SLC6A11: variants seen among roughly 807,000 people sequenced by gnomAD.
SLC6A11 encodes solute carrier family 6 member 11.
Under a neutral mutation model 74.8 loss-of-function variants are expected in SLC6A11, and 25 were observed. That is an observed-to-expected ratio of 0.33 (90% CI 0.24 to 0.47). The LOEUF (loss-of-function observed/expected upper bound fraction) is 0.47, where lower values mean the gene tolerates loss of function less well. Ranked by LOEUF, SLC6A11 falls within the 20% of genes least tolerant of loss-of-function variation. The pLI is 1.00. For missense variants in SLC6A11, 574 were observed against 837.0 expected (o/e 0.69, Z 3.88); for synonymous variants, 330 against 330.2 (o/e 1.00, Z 0.01).
intron 5 of SLC6A11, among the ~76,000 whole-genome samples, chr3:10,868,314 G>A (rs1283311262): frequency 6.6e-6 from 1 of 152,088 alleles, no homozygotes. Context: ...CTTAGGGTGG[G>A]GTGGCCCTTC....
intron 6 of SLC6A11, among the ~76,000 whole-genome samples, chr3:10,883,998 G>A (rs1421179308): frequency 6.6e-6 from 1 of 152,184 alleles, no homozygotes; most frequent in Non-Finnish European, 1.5e-5. Flanking sequence ...TCAAGGAAAT[G>A]ACAGTCTCTT....
rs374893074 is a variant in SLC6A11 at position 10,819,800 on chromosome 3, C to G, written c.480C>G (p.Asn160Lys). The change falls in exon 3 of 14, where the codon AAC becomes AAG. Residue 160 changes from asparagine (N) to lysine (K), a missense_variant. Around this residue, in one of 4 missense-constraint regions of SLC6A11, gnomAD observed 215 missense variants for 357.9 expected, o/e 0.60. Transcript: ENST00000254488. ...ILAWAIFYLSNCFTTELPWAT... is the reference protein window; with the variant it reads ...ILAWAIFYLSKCFTTELPWAT... ...CATGGGCCATTTTTTACCTGAGCAACTGCTTCACTACTGAGCTACCCTGGG... is the reference window on the plus strand; with the variant it reads ...CATGGGCCATTTTTTACCTGAGCAAGTGCTTCACTACTGAGCTACCCTGGG... 16 of 1,614,252 alleles carry G rather than the reference C, an allele frequency of 9.9e-6. No homozygotes were observed. The African/African-American group carries it at 1.7e-4, about 17-fold the overall frequency.
In SLC6A11 at chr3:10,926,076, T is replaced by A; in HGVS notation, c.1193T>A (p.Leu398Ter). ...CCTCTCTCCCCGCTGTGGGCCACCT[T>A]GTTCTTCATGATGCTCATCTTCCTG... is the stretch of plus-strand genomic sequence containing the variant. ...MMPLSPLWAT[L>*]FFMMLIFLGL... The change falls in exon 9 of 14, where the codon TTG becomes TAG. Residue 398 changes from leucine (L) to a stop codon, truncating the protein, a stop_gained. Transcript: ENST00000254488. LOFTEE classifies it high-confidence loss of function. This position sits in a 1 kb window ranked among gnomAD's most constrained non-coding sequence, Gnocchi z 5.7. 6.2e-7 allele frequency: 1 copy of A among 1,613,524 alleles called. No homozygotes were observed. Among genetic ancestry groups the A allele is most frequent in the South Asian group, 1.1e-5 (1 of 91,070 alleles).
At position 10,918,522 on chromosome 3, in the gene SLC6A11, T is replaced by C. The variant is rs1695490227; in HGVS notation, c.1120+69T>C. 6 of 1,531,916 alleles carry C rather than the reference T, an allele frequency of 3.9e-6. No individual in the cohort carries two copies. Among genetic ancestry groups the C allele is most frequent in the Non-Finnish European group, 4.4e-6 (5 of 1,138,504 alleles). 94.9% of individuals were successfully genotyped at this position (1,531,916 alleles called of 1,614,324 possible). On this transcript the variant is annotated intron_variant, in intron 8 of 13. Transcript: ENST00000254488. This position sits in a 1 kb window ranked among gnomAD's most constrained non-coding sequence, Gnocchi z 4.5. ...CCAGGAGTGATGGTCATCATGGAAA[T>C]GCGATCTTCCTCCTCGGCTCACACA...
chr3:10,902,690 A>T lies in SLC6A11; in HGVS notation c.892-9400A>T, dbSNP rs547131564. Reference sequence around the variant, plus strand: ...CCCCAAAGTTTTTGCCCTTTTCATTAAGCTCCTGCAAGGCTCAAAGCATGG... The same window carrying T: ...CCCCAAAGTTTTTGCCCTTTTCATTTAGCTCCTGCAAGGCTCAAAGCATGG... On this transcript the variant is annotated intron_variant, in intron 6 of 13. Coordinates refer to ENST00000254488, the MANE Select transcript of SLC6A11 (RefSeq NM_014229.3). Among the ~76,000 whole-genome samples, 304 of 152,312 alleles carry T rather than the reference A, an allele frequency of 2.0e-3. 2 individuals carry two copies. Among genetic ancestry groups the T allele is most frequent in the African/African-American group, 7.0e-3 (289 of 41,560 alleles).
At chr3:10,837,495 C>T (rs1052720586) in intron 4 of SLC6A11, among the ~76,000 whole-genome samples, 2 of 152,174 alleles carry the variant, frequency 1.3e-5, no homozygotes, top group African/African-American at 4.8e-5. Flanking sequence ...CAAGATCTGT[C>T]CCCACTTTCT....
chr3:10,935,145 C>T lies in SLC6A11; in HGVS notation c.1692C>T (p.Cys564=), dbSNP rs138805066. ...TCATGGCCCTGTCCTCCATGCTCTG[C>T]ATCCCGCTCTGGATCTGCATCACAG... ...GWLMALSSML[C]IPLWICITVW... is the part of the protein sequence containing the mutation. Residue 564 remains cysteine, a synonymous_variant, in exon 13 of 14, where the codon TGC becomes TGT. Coordinates refer to ENST00000254488, the MANE Select transcript of SLC6A11 (RefSeq NM_014229.3). The T allele has an allele frequency of 3.0e-3, 4,920 of 1,614,098 alleles. 10 individuals are homozygous for T. The highest frequency in any genetic ancestry group is 3.7e-3 in the Non-Finnish European group (4,397 of 1,180,028).
At chr3:10,928,640 A>ACC (rs751085158) in intron 9 of SLC6A11, among the ~76,000 whole-genome samples, 20 of 152,106 alleles carry the variant, frequency 1.3e-4, no homozygotes, top group Non-Finnish European at 2.5e-4. Context: ...CAGCAGAGAC[A>ACC]AAGAGCTGGA....
chr3:10,930,074 A>G (rs1395006007), intron 10 of SLC6A11, among the ~76,000 whole-genome samples: 2 of 152,272 alleles, frequency 1.3e-5, no homozygotes, highest in Non-Finnish European at 2.9e-5. Context: ...AAACATGGAA[A>G]GAAATGAGGG....
At chr3:10,819,984 A>ACCCCAGTTTCAGC in intron 3 of SLC6A11, 132 bp downstream of exon 3, 3 of 932,400 alleles carry the variant, frequency 3.2e-6, no homozygotes, top group Non-Finnish European at 3.3e-6. Context: ...AGTCTTGCTG[A>ACCCCAGTTTCAGC]AACTGGGGTC....
At chr3:10,867,528 A>G (rs1694780050) in intron 5 of SLC6A11, among the ~76,000 whole-genome samples, 1 of 152,248 alleles carries the variant, frequency 6.6e-6, no homozygotes, top group Non-Finnish European at 1.5e-5. Context: ...TATCAGGTTC[A>G]CAGAAGGTTC....
intron 7 of SLC6A11, among the ~76,000 whole-genome samples, chr3:10,917,078 T>TG (rs1695466299): frequency 1.3e-5 from 2 of 152,110 alleles, no homozygotes; most frequent in Admixed American, 6.5e-5. Context: ...CTGGATAAGC[T>TG]GGAGTGTATT....
At position 10,935,146 on chromosome 3, in the gene SLC6A11, A is replaced by C. The variant is rs771372048; in HGVS notation, c.1693A>C (p.Ile565Leu). 1.9e-6 allele frequency: 3 copies of C among 1,614,218 alleles called. No homozygotes were observed. Among genetic ancestry groups the C allele is most frequent in the Non-Finnish European group, 1.7e-6 (2 of 1,180,040 alleles). Reference sequence around the variant, plus strand: ...CATGGCCCTGTCCTCCATGCTCTGCATCCCGCTCTGGATCTGCATCACAGT... The same window carrying C: ...CATGGCCCTGTCCTCCATGCTCTGCCTCCCGCTCTGGATCTGCATCACAGT... ...WLMALSSMLC[I>L]PLWICITVWK... The change falls in exon 13 of 14, where the codon ATC becomes CTC. Residue 565 changes from isoleucine to leucine, a missense_variant. By Grantham distance (5) the Ile-to-Leu change is conservative. Coordinates refer to ENST00000254488, the MANE Select transcript of SLC6A11 (RefSeq NM_014229.3).
In SLC6A11 at chr3:10,911,046, C is replaced by A. The variant is rs552237339; in HGVS notation, c.892-1044C>A. 4.6e-5 allele frequency among the ~76,000 whole-genome samples: 7 copies of A among 152,138 alleles called. No homozygotes were observed. In the South Asian group the frequency reaches 6.2e-4, roughly 14 times the overall value. ...CATGTTGGCCAGGCTGCTCTCACCC[C>A]CTCCTGACCTCAGGTGATCCACCCA... is the stretch of plus-strand genomic sequence containing the variant. On this transcript the variant is annotated intron_variant, in intron 6 of 13. Coordinates refer to ENST00000254488, the MANE Select transcript of SLC6A11 (RefSeq NM_014229.3).
At chr3:10,932,011 G>A (rs533114484) in intron 10 of SLC6A11, among the ~76,000 whole-genome samples, 1 of 151,804 alleles carries the variant, frequency 6.6e-6, no homozygotes. Flanking sequence ...CTGGTATTCA[G>A]GCTACCCCAC....
intron 8 of SLC6A11, among the ~76,000 whole-genome samples, chr3:10,922,828 A>T (rs754539358): frequency 2.0e-5 from 3 of 152,190 alleles, no homozygotes; most frequent in Non-Finnish European, 4.4e-5. Context: ...TAACCTATGT[A>T]ACTTTGAGAA....
intron 5 of SLC6A11, among the ~76,000 whole-genome samples, chr3:10,873,336 A>T (rs2581200): frequency 1 from 149,012 of 149,012 alleles, 74,506 homozygotes; most frequent in Non-Finnish European, 1. Flanking sequence ...GCCCCCAAAG[A>T]TTTCTGCCCT....
chr3:10,819,338 A>G lies in SLC6A11; in HGVS notation c.257-127A>G, dbSNP rs114749865. On this transcript the variant is annotated intron_variant, in intron 1 of 13. Coordinates refer to ENST00000254488, the MANE Select transcript of SLC6A11 (RefSeq NM_014229.3). ...CTGTTTTCTGACTCTGGTCTTCATA[A>G]TGGGAACTTGAACTCAAGTTCAAAG... 5.4e-4 allele frequency: 504 copies of G among 935,588 alleles called. No individual in the cohort carries two copies. The African/African-American group carries it at 7.7e-3, about 14-fold the overall frequency. The allele number at this position is 935,588 out of a possible 1,614,324, so 58.0% of individuals were successfully genotyped here. A position where few individuals can be genotyped will look rare whatever the true frequency, so the allele number is the denominator to read the frequency against.
intron 4 of SLC6A11, among the ~76,000 whole-genome samples, chr3:10,828,667 G>A (rs1435367921): frequency 1.3e-5 from 2 of 152,122 alleles, no homozygotes; most frequent in Non-Finnish European, 2.9e-5. Context: ...ACCAGATCCT[G>A]TGTGTCTGGC....
Sources: gnomAD v4.1 joint callset for allele counts (sites outside exome capture counted in the v4.1 genomes callset) on GRCh38, gnomAD v4.1.1 for gene constraint, gnomAD v4.1.1 regional missense constraint, Gnocchi (gnomAD v3.1) non-coding constraint, MANE v1.5 for transcripts, NCBI Gene and HGNC (gene_info 2026-07-23, HGNC 2026-07-21) for gene names.